CTIF: variants seen among roughly 807,000 people sequenced by gnomAD.
CTIF encodes cap binding complex dependent translation initiation factor, also known as CBP80/20-dependent translation initiation factor.
In CTIF, 21 loss-of-function variants were observed where a neutral mutation model predicts 66.0. The observed-to-expected ratio is 0.32, with a 90% CI of 0.23 to 0.46. The LOEUF is 0.46. Among genes scored for constraint, CTIF ranks in the 20% least tolerant of loss-of-function variants. CTIF has a pLI of 1.00. For synonymous variants in CTIF, 345 were observed against 326.4 expected (o/e 1.06, Z -0.62); for missense variants, 739 against 812.7 (o/e 0.91, Z 1.10).
chr18:48,803,503 A>T (rs1026370497), intron 9 of CTIF, among the ~76,000 whole-genome samples: 1 of 152,200 alleles, frequency 6.6e-6, no homozygotes, highest in Non-Finnish European at 1.5e-5. Flanking sequence ...ATTTGACATG[A>T]TGCTCAGGAG....
chr18:48,692,275 C>G (rs2091937605), intron 6 of CTIF, among the ~76,000 whole-genome samples: 1 of 151,966 alleles, frequency 6.6e-6, no homozygotes, highest in African/African-American at 2.4e-5. Flanking sequence ...TGCCCAAGGG[C>G]CACTCTGGGT....
At chr18:48,763,140 A>G (rs562828695) in intron 9 of CTIF, among the ~76,000 whole-genome samples, 76 of 152,278 alleles carry the variant, frequency 5.0e-4, no homozygotes, top group African/African-American at 1.8e-3. Flanking sequence ...CACCCGGCAC[A>G]GGGGAGTCAG....
At chr18:48,711,755 G>A (rs2092226002) in intron 7 of CTIF, 60 bp downstream of exon 7, 17 of 1,437,524 alleles carry the variant, frequency 1.2e-5, no homozygotes, top group South Asian at 2.3e-5. Context: ...CATCTGTAGC[G>A]ACGTCAGCTT....
At chr18:48,601,223 A>G (rs1027046923) in intron 1 of CTIF, among the ~76,000 whole-genome samples, 3 of 152,196 alleles carry the variant, frequency 2.0e-5, no homozygotes, top group Non-Finnish European at 4.4e-5. Flanking sequence ...TGTTAATTTC[A>G]AGGGTCCAGC....
At chr18:48,664,341 C>A in intron 4 of CTIF, 106 bp from the exon 5 acceptor site, 1 of 1,006,790 alleles carries the variant, frequency 9.9e-7, no homozygotes, top group Non-Finnish European at 1.5e-6. Flanking sequence ...CCTGGCGGCT[C>A]CTTTCTGCGG....
intron 9 of CTIF, among the ~76,000 whole-genome samples, chr18:48,778,214 A>G (rs893951551): frequency 6.6e-6 from 1 of 152,162 alleles, no homozygotes; most frequent in Non-Finnish European, 1.5e-5. Context: ...ATTCTCAGCC[A>G]TCTTCTAAGG....
At chr18:48,600,825 C>T (rs2090077038) in intron 1 of CTIF, among the ~76,000 whole-genome samples, 1 of 152,140 alleles carries the variant, frequency 6.6e-6, no homozygotes, top group Admixed American at 6.5e-5. Context: ...TCTTCCCTTT[C>T]CCTGCAATAT....
chr18:48,658,411 CATAT>C (rs1855690446), intron 3 of CTIF, among the ~76,000 whole-genome samples: 1 of 88,682 alleles, frequency 1.1e-5, no homozygotes, highest in Non-Finnish European at 2.8e-5. Flanking sequence ...GGTGTGTGCA[CATAT>C]GTGTGTTTGG....
At chr18:48,721,530 T>C (rs2092335860) in intron 7 of CTIF, among the ~76,000 whole-genome samples, 1 of 152,164 alleles carries the variant, frequency 6.6e-6, no homozygotes, top group African/African-American at 2.4e-5. Flanking sequence ...ACAGTGTGTC[T>C]GGTGGGCAGC....
chr18:48,837,051 T>C (rs1016085999), intron 10 of CTIF, among the ~76,000 whole-genome samples: 3 of 152,186 alleles, frequency 2.0e-5, no homozygotes, highest in African/African-American at 7.2e-5. Flanking sequence ...CTGCCTGGCC[T>C]GGGGGCAAAG....
intron 1 of CTIF, chr18:48,566,806 A>G (rs11082685): frequency 0.57 from 86,211 of 152,036 alleles, 28,213 homozygotes; most frequent in East Asian, 0.93. Context: ...CTGGGTGGAT[A>G]ACATGAGTGG....
At chr18:48,739,779 T>C (rs1271896019) in intron 7 of CTIF, among the ~76,000 whole-genome samples, 1 of 152,184 alleles carries the variant, frequency 6.6e-6, no homozygotes, top group Admixed American at 6.5e-5. Flanking sequence ...CAAATTCCTT[T>C]AGTAATTCCT....
At chr18:48,542,117 C>G (rs576087139) in intron 1 of CTIF, among the ~76,000 whole-genome samples, 5 of 152,346 alleles carry the variant, frequency 3.3e-5, no homozygotes, top group Non-Finnish European at 7.3e-5. Flanking sequence ...TCAAAACACT[C>G]TTGATTTGTT....
chr18:48,570,583 G>A (rs1391301978), intron 1 of CTIF, among the ~76,000 whole-genome samples: 1 of 152,216 alleles, frequency 6.6e-6, no homozygotes, highest in Non-Finnish European at 1.5e-5. Flanking sequence ...GGAGTCCCTG[G>A]GGGGTGGGGG....
At chr18:48,565,609 C>CT (rs2089263268) in intron 1 of CTIF, 1 of 152,214 alleles carries the variant, frequency 6.6e-6, no homozygotes, top group Admixed American at 6.5e-5. Flanking sequence ...GGCCTCTGTG[C>CT]TTTAGTTCCC....
chr18:48,770,403 C>G (rs1366952580), intron 9 of CTIF, among the ~76,000 whole-genome samples: 1 of 152,298 alleles, frequency 6.6e-6, no homozygotes, highest in Admixed American at 6.5e-5. Context: ...AAGTGCCTTT[C>G]TGTGCACGGC....
chr18:48,599,342 T>G (rs2090048499), intron 1 of CTIF, among the ~76,000 whole-genome samples: 1 of 151,844 alleles, frequency 6.6e-6, no homozygotes, highest in African/African-American at 2.4e-5. Flanking sequence ...TTTTTTTTTC[T>G]TGTTCATAAA....
intron 1 of CTIF, among the ~76,000 whole-genome samples, chr18:48,552,210 A>G (rs1238109433): frequency 6.6e-6 from 1 of 152,354 alleles, no homozygotes; most frequent in Non-Finnish European, 1.5e-5. Context: ...CATAGATGAG[A>G]AAATGAGGGC....
chr18:48,830,520 C>G (rs2068667882), intron 10 of CTIF, among the ~76,000 whole-genome samples: 2 of 152,136 alleles, frequency 1.3e-5, no homozygotes, highest in African/African-American at 4.8e-5. Flanking sequence ...AGCTCACTGT[C>G]TGAGAGGTAC....
Sources: gnomAD v4.1 joint callset for allele counts (sites outside exome capture counted in the v4.1 genomes callset) on GRCh38, gnomAD v4.1.1 for gene constraint, MANE v1.5 for transcripts, NCBI Gene and HGNC (gene_info 2026-07-23, HGNC 2026-07-21) for gene names.